The following MUC6 variants were observed in gnomAD, a reference collection of about 807,000 sequenced individuals.
MUC6 encodes mucin 6, oligomeric mucus/gel-forming (gene/pseudogene), also known as mucin-6.
Under a neutral mutation model 201.5 loss-of-function variants are expected in MUC6, and 188 were observed. The ratio of observed to expected loss-of-function variants is 0.93; its 90% CI spans 0.83 to 1.05. MUC6 has a LOEUF of 1.05. Among genes scored for constraint, MUC6 ranks in the 50% least tolerant of loss-of-function variants. The pLI is 0.00. For synonymous variants in MUC6, 1,228 were observed against 1,389.4 expected (o/e 0.88, Z 2.58); for missense variants, 2,706 against 3,256.9 (o/e 0.83, Z 4.12).
chr11:1,032,418 G>A (rs550435889), intron 2 of MUC6, among the ~76,000 whole-genome samples: 2 of 152,026 alleles, frequency 1.3e-5, no homozygotes, highest in Non-Finnish European at 2.9e-5. Context: ...ACACCTGCAT[G>A]TGTGTTGGGT....
chr11:1,032,872 T>G (rs963209602), intron 2 of MUC6, 141 bp downstream of exon 2: 4 of 646,584 alleles, frequency 6.2e-6, no homozygotes, highest in Non-Finnish European at 1.0e-5. Flanking sequence ...GTTGGGTGTA[T>G]GTGCATGTGT....
Position 1,018,673 on chromosome 11 carries a change from C to G in MUC6, c.4128G>C (p.Gln1376His). 1 of 1,612,592 alleles carries G rather than the reference C, an allele frequency of 6.2e-7. No homozygotes were observed. The highest frequency in any genetic ancestry group is 8.5e-7 in the Non-Finnish European group (1 of 1,179,432). Residue 1376 changes from glutamine (Q) to histidine (H), a missense_variant, in exon 31 of 33, where the codon CAG (glutamine) becomes CAC (histidine). Transcript: ENST00000421673. The stretch of plus-strand genomic sequence containing the variant: ...CTGTGGGCCTCGTGGGTTGTCCTGG[C>G]TGTGGGGTGGTTGGGCCTGTGGTGC... ...PASTTGPTTP[Q>H]PGQPTRPTAT...
At position 1,026,732 on chromosome 11, in the gene MUC6, G is replaced by A. The variant is rs534908469; in HGVS notation, c.2394+209C>T. 4.3e-3 allele frequency among the ~76,000 whole-genome samples: 648 copies of A among 152,318 alleles called. 5 individuals carry two copies. The highest frequency in any genetic ancestry group is 0.015 in the African/African-American group (624 of 41,580). ...CACACATGGGCAGCCCACCCTCCCC[G>A]AGCTGGTGCCCACTGTCCTTAGGGA... On this transcript the variant is annotated intron_variant, in intron 19 of 32. Coordinates refer to ENST00000421673, the MANE Select transcript of MUC6 (RefSeq NM_005961.3).
chr11:1,032,929 G>A (rs533657454), intron 2 of MUC6, 84 bp downstream of exon 2: 4 of 1,251,316 alleles, frequency 3.2e-6, no homozygotes, highest in Non-Finnish European at 4.4e-6. Flanking sequence ...TGTCTTGGGG[G>A]TGACCTGGGC....
In MUC6 at chr11:1,025,218, G is replaced by T; in HGVS notation, c.2949C>A (p.His983Gln). The T allele has an allele frequency of 6.2e-7, 1 of 1,612,816 alleles. No individual in the cohort carries two copies. The highest frequency in any genetic ancestry group is 8.5e-7 in the Non-Finnish European group (1 of 1,179,832). The change falls in exon 23 of 33, where the codon CAC becomes CAA. Residue 983 changes from histidine to glutamine, a missense_variant. His to Gln is a conservative substitution (Grantham distance 24). This residue lies in a region of MUC6 where 1,850 missense variants were observed against 1,958.3 expected (regional missense o/e 0.94). Transcript: ENST00000421673. Reference sequence around the variant, plus strand: ...GGGCGATCCTGATGAGGATGGTCATGTGCCTGTTCCAGATGAGCGTCAGGT... The same window carrying T: ...GGGCGATCCTGATGAGGATGGTCATTTGCCTGTTCCAGATGAGCGTCAGGT... ...RYNLTLIWNR[H>Q]MTILIRIARA...
Position 1,030,783 on chromosome 11 carries a change from G to A in MUC6, c.685-3C>T. ...AGCAGCTGGGTGCAGATCCGGGCCT[G>A]GGGGGGCCACTCAGGGTCATGGGGG... is the stretch of plus-strand genomic sequence containing the variant. On this transcript the variant is annotated splice_region_variant and splice_polypyrimidine_tract_variant and intron_variant, in intron 6 of 32. Coordinates refer to ENST00000421673, the MANE Select transcript of MUC6 (RefSeq NM_005961.3). The A allele has an allele frequency of 6.5e-7, 1 of 1,534,760 alleles. No individual in the cohort carries two copies. Among genetic ancestry groups the A allele is most frequent in the Non-Finnish European group, 8.7e-7 (1 of 1,145,794 alleles).
rs1449423186 is a variant in MUC6 at position 1,033,361 on chromosome 11, C to A, written c.53-286G>T. 1.3e-5 allele frequency among the ~76,000 whole-genome samples: 2 copies of A among 152,140 alleles called. No individual in the cohort carries two copies. The highest frequency in any genetic ancestry group is 1.3e-4 in the Admixed American group (2 of 15,282). ...CTCGGGGTTCGGCAGATGGCGGGCA[C>A]CCTGTGTGCAGGGTACTCATCCCTG... On this transcript the variant is annotated intron_variant, in intron 1 of 32. Coordinates refer to ENST00000421673, the MANE Select transcript of MUC6 (RefSeq NM_005961.3). The surrounding 1 kb of genome is among the most constrained non-coding windows in gnomAD (Gnocchi z 5.6).
chr11:1,025,022 C>G lies in MUC6; in HGVS notation c.3047G>C (p.Arg1016Pro), dbSNP rs747119354. The change falls in exon 24 of 33, where the codon CGC (arginine) becomes CCC (proline). Residue 1016 changes from arginine (R) to proline (P), a missense_variant. Physicochemically the swap from Arg to Pro is moderately radical, Grantham distance 103 (BLOSUM62 -2). Coordinates refer to ENST00000421673, the MANE Select transcript of MUC6 (RefSeq NM_005961.3). ...NGNMKDDFETRSRYVASSELE... is the reference protein window; with the variant it reads ...NGNMKDDFETPSRYVASSELE... ...CTCGCTGGATGCCACGTACCTGCTGCGCGTCTCGAAGTCGTCCTTCATGTT... is the reference window on the plus strand; with the variant it reads ...CTCGCTGGATGCCACGTACCTGCTGGGCGTCTCGAAGTCGTCCTTCATGTT... 6.2e-7 allele frequency: 1 copy of G among 1,612,832 alleles called. No individual in the cohort carries two copies. Among genetic ancestry groups the G allele is most frequent in the African/African-American group, 1.3e-5 (1 of 74,942 alleles).
rs114419891 is a variant in MUC6 at position 1,033,055 on chromosome 11, T to C, written c.73A>G (p.Thr25Ala). 8.4e-3 allele frequency: 13,557 copies of C among 1,612,034 alleles called. 954 individuals are homozygous for C. The African/African-American group carries it at 0.15, about 18-fold the overall frequency. The change falls in exon 2 of 33, where the codon ACC becomes GCC. Residue 25 changes from threonine to alanine, a missense_variant. Thr to Ala is a moderately conservative substitution (Grantham distance 58). Transcript: ENST00000421673. This position sits in a 1 kb window ranked among gnomAD's most constrained non-coding sequence, Gnocchi z 5.6. ...TTCAGCCTCTGGAGGCCTGGGCTGG[T>C]GTAGGAGGTGTTAGCCAGACCTGTG... ...LSAGLANTSY[T>A]SPGLQRLKDS... is the part of the protein sequence containing the mutation.
At position 1,026,130 on chromosome 11, in the gene MUC6, C is replaced by G; in HGVS notation, c.2558G>C (p.Arg853Thr). ...GCCCTGCTGACAGGCCCACCTCCCCCTTGAGCAGGAGCTGTGGAGACAGCA... is the reference window on the plus strand; with the variant it reads ...GCCCTGCTGACAGGCCCACCTCCCCGTTGAGCAGGAGCTGTGGAGACAGCA... ...HTDCRTCSCS[R>T]GRWACQQGTH... Residue 853 changes from arginine (R) to threonine (T), a missense_variant, in exon 21 of 33, where the codon AGG (arginine) becomes ACG (threonine). Physicochemically the swap from Arg to Thr is moderately conservative, Grantham distance 71. This residue lies in a region of MUC6 where 1,850 missense variants were observed against 1,958.3 expected (regional missense o/e 0.94). Transcript: ENST00000421673. 1 of 1,597,128 alleles carries G rather than the reference C, an allele frequency of 6.3e-7. No individual in the cohort carries two copies.
chr11:1,018,830 C>T (rs1432879177), intron 30 of MUC6, 60 bp from the exon 31 acceptor site: 20 of 1,513,992 alleles, frequency 1.3e-5, no homozygotes, highest in South Asian at 1.2e-4. Context: ...CTGACCTCCG[C>T]TGGCCCGTCC....
intron 31 of MUC6, 105 bp from the exon 32 acceptor site, chr11:1,014,106 C>T: frequency 1.1e-6 from 1 of 934,724 alleles, no homozygotes; most frequent in Non-Finnish European, 1.6e-6. Flanking sequence ...CTGGACTCTC[C>T]TGCCCAAGGT....
rs771813214 is a variant in MUC6 at position 1,025,901 on chromosome 11, G to C, written c.2703C>G (p.Val901=). The change falls in exon 22 of 33, where the codon GTC becomes GTG. Residue 901 remains valine, a synonymous_variant. Coordinates refer to ENST00000421673, the MANE Select transcript of MUC6 (RefSeq NM_005961.3). ...EYILATDVCG[V]NDSQPTFKIL... is the part of the protein sequence containing the mutation. ...TCTTGAAGGTGGGCTGTGAGTCGTT[G>C]ACACCACAGACGTCCTGCAGGGAGA... The C allele has an allele frequency of 6.2e-7, 1 of 1,611,138 alleles. No individual in the cohort carries two copies. Among genetic ancestry groups the C allele is most frequent in the Admixed American group, 1.7e-5 (1 of 59,774 alleles).
Position 1,030,698 on chromosome 11 carries a change from G to T in MUC6, c.767C>A (p.Ala256Glu). Reference protein sequence around the residue: ...SKEPFVLSCQADVAAAPQPGP... With the variant: ...SKEPFVLSCQEDVAAAPQPGP... ...TGGCTGGGGGGCTGCGGCCACGTCCGCCTGGCAGCTTAGCACGAAGGGCTC... is the reference window on the plus strand; with the variant it reads ...TGGCTGGGGGGCTGCGGCCACGTCCTCCTGGCAGCTTAGCACGAAGGGCTC... Residue 256 changes from alanine (A) to glutamate (E), a missense_variant, in exon 7 of 33, where the codon GCG becomes GAG. Physicochemically the swap from Ala to Glu is moderately radical, Grantham distance 107. This residue lies in a region of MUC6 where 1,850 missense variants were observed against 1,958.3 expected (regional missense o/e 0.94). Transcript: ENST00000421673. 3 of 1,548,290 alleles carry T rather than the reference G, an allele frequency of 1.9e-6. No homozygotes were observed. The highest frequency in any genetic ancestry group is 1.8e-4 in the Middle Eastern group (1 of 5,602).
At chr11:1,021,368 C>CTTTTTTTT (rs541461716) in intron 26 of MUC6, 91 bp from the exon 27 acceptor site, 1 of 449,010 alleles carries the variant, frequency 2.2e-6, no homozygotes, top group Non-Finnish European at 3.6e-6. Context: ...TTCCTCTCTG[C>CTTTTTTTT]TTTTTTTTTT....
intron 8 of MUC6, among the ~76,000 whole-genome samples, 159 bp from the exon 9 acceptor site, chr11:1,029,774 C>T (rs945182256): frequency 3.9e-5 from 6 of 152,128 alleles, no homozygotes; most frequent in African/African-American, 9.7e-5. Flanking sequence ...TCCAGGGAGA[C>T]GCCCCCTCTA....
rs764480378 is a variant in MUC6 at position 1,025,249 on chromosome 11, C to G, written c.2918G>C (p.Arg973Thr). Reference protein sequence around the residue: ...SLVVDISIPGRYNLTLIWNRH... With the variant: ...SLVVDISIPGTYNLTLIWNRH... ...GTTCCAGATGAGCGTCAGGTTGTAC[C>G]TCCCGGGGATGCTGATGTCCACGAC... Residue 973 changes from arginine to threonine, a missense_variant, in exon 23 of 33, where the codon AGG becomes ACG. Arg to Thr is a moderately conservative substitution (Grantham distance 71, BLOSUM62 -1). Around this residue, in one of 10 missense-constraint regions of MUC6, gnomAD observed 1,850 missense variants for 1,958.3 expected, o/e 0.94. Coordinates refer to ENST00000421673, the MANE Select transcript of MUC6 (RefSeq NM_005961.3). 5.0e-6 allele frequency: 8 copies of G among 1,612,698 alleles called. No individual in the cohort carries two copies. Among genetic ancestry groups the G allele is most frequent in the South Asian group, 2.2e-5 (2 of 91,090 alleles).
At chr11:1,013,805 C>T in intron 32 of MUC6, 94 bp downstream of exon 32, 3 of 1,422,012 alleles carry the variant, frequency 2.1e-6, no homozygotes, top group South Asian at 2.5e-5. Context: ...CCTGATGGGG[C>T]AGCAGGCGCC....
At chr11:1,031,508 G>A (rs1007392418) in intron 4 of MUC6, 99 bp downstream of exon 4, 1 of 1,497,078 alleles carries the variant, frequency 6.7e-7, no homozygotes, top group Non-Finnish European at 8.9e-7. Context: ...GGCAGCCTGA[G>A]GGCTGGCTGG....
Sources: gnomAD v4.1 joint callset for allele counts (sites outside exome capture counted in the v4.1 genomes callset) on GRCh38, gnomAD v4.1.1 for gene constraint, gnomAD v4.1.1 regional missense constraint, Gnocchi (gnomAD v3.1) non-coding constraint, MANE v1.5 for transcripts, NCBI Gene and HGNC (gene_info 2026-07-23, HGNC 2026-07-21) for gene names.